Variants in ZEB1 observed in about 807,000 individuals in gnomAD.
The protein encoded by ZEB1 is zinc finger E-box-binding homeobox 1.
A neutral mutation model predicts 84.9 loss-of-function variants in ZEB1; 21 were observed. That is an observed-to-expected ratio of 0.25 (90% CI 0.18 to 0.36). ZEB1 has a LOEUF of 0.36. Among genes scored for constraint, ZEB1 ranks in the 10% least tolerant of loss-of-function variants. The pLI is 1.00. For missense variants in ZEB1, 1,104 were observed against 1,330.2 expected (o/e 0.83, Z 2.65); for synonymous variants, 420 against 471.1 (o/e 0.89, Z 1.41).
Position 31,526,820 on chromosome 10 carries a change from A to G in ZEB1, c.2934A>G (p.Gln978=). 1 of 1,614,154 alleles carries G rather than the reference A, an allele frequency of 6.2e-7. No homozygotes were observed. Among genetic ancestry groups the G allele is most frequent in the South Asian group, 1.1e-5 (1 of 91,078 alleles). ...KRFSHSGSYS[Q]HMNHRYSYCK... Reference sequence around the variant, plus strand: ...TCTCACACTCTGGGTCTTATTCTCAACACATGAATCATCGCTACTCCTACT... The same window carrying G: ...TCTCACACTCTGGGTCTTATTCTCAGCACATGAATCATCGCTACTCCTACT... The change falls in exon 9 of 9, where the codon CAA becomes CAG. Residue 978 remains glutamine, a synonymous_variant. Coordinates refer to ENST00000424869, the MANE Select transcript of ZEB1 (RefSeq NM_001174096.2).
chr10:31,527,428 CACACA>C lies in ZEB1; in HGVS notation c.*165_*169del. 2.8e-6 allele frequency: 2 copies of C among 708,298 alleles called. No individual in the cohort carries two copies. The highest frequency in any genetic ancestry group is 4.5e-6 in the Non-Finnish European group (2 of 443,948). The allele number at this position is 708,298 out of a possible 1,614,324, so 43.9% of individuals were successfully genotyped here. On this transcript the variant is annotated 3_prime_UTR_variant, in exon 9 of 9. Transcript: ENST00000424869. ...AAAATACAAAACACACACACACACA[CACACA>C]CACACACACACACACACACAAAATA...
rs952856031 is a variant in ZEB1, at chr10:31,521,230, T to C, written c.1898T>C (p.Met633Thr). The C allele has an allele frequency of 6.2e-7, 1 of 1,614,112 alleles. No individual in the cohort carries two copies. Among genetic ancestry groups the C allele is most frequent in the Non-Finnish European group, 8.5e-7 (1 of 1,180,024 alleles). ...LDVVKKWFEK[M>T]QAGQISVQSS... ...GTAGTAAAAAAGTGGTTTGAAAAGA[T>C]GCAAGCTGGACAGATTTCAGTGCAG... The change falls in exon 7 of 9, where the codon ATG becomes ACG. Residue 633 changes from methionine to threonine, a missense_variant. By Grantham distance (81) the Met-to-Thr change is moderately conservative. Coordinates refer to ENST00000424869, the MANE Select transcript of ZEB1 (RefSeq NM_001174096.2).
At chr10:31,440,617 G>A (rs1317740000) in intron 1 of ZEB1, among the ~76,000 whole-genome samples, 1 of 152,136 alleles carries the variant, frequency 6.6e-6, no homozygotes, top group Non-Finnish European at 1.5e-5. Context: ...GAGTCAAATT[G>A]TCCCTGTTTG....
intron 2 of ZEB1, among the ~76,000 whole-genome samples, chr10:31,480,173 A>T (rs1282423923): frequency 6.6e-6 from 1 of 152,068 alleles, no homozygotes; most frequent in Non-Finnish European, 1.5e-5. Flanking sequence ...ACAGCGATTT[A>T]AAAACATTTT....
intron 1 of ZEB1, among the ~76,000 whole-genome samples, chr10:31,418,875 A>G (rs2055664406): frequency 6.6e-6 from 1 of 152,136 alleles, no homozygotes; most frequent in African/African-American, 2.4e-5. Flanking sequence ...GCTCAAAGGA[A>G]ATGCTCAGTG....
chr10:31,527,446 CACACACAA>C lies in ZEB1; in HGVS notation c.*184_*191del. On this transcript the variant is annotated 3_prime_UTR_variant, in exon 9 of 9. Transcript: ENST00000424869. ...ACACACACACACACACACACACACA[CACACACAA>C]AATAAATCCGGGTGTGCCTGAACCT... 1.4e-6 allele frequency: 1 copy of C among 725,002 alleles called. No individual in the cohort carries two copies. Among genetic ancestry groups the C allele is most frequent in the South Asian group, 2.0e-5 (1 of 50,900 alleles). 44.9% of individuals were successfully genotyped at this position (725,002 alleles called of 1,614,324 possible).
At chr10:31,319,506 GTC>G in intron 1 of ZEB1, 1 of 589,352 alleles carries the variant, frequency 1.7e-6, no homozygotes, top group Non-Finnish European at 3.0e-6. Context: ...GAACCGTTAT[GTC>G]TCTTACCTGG....
intron 1 of ZEB1, among the ~76,000 whole-genome samples, chr10:31,424,317 A>G (rs1305849480): frequency 1.3e-5 from 2 of 151,974 alleles, no homozygotes; most frequent in African/African-American, 4.8e-5. Context: ...TGATTATTAT[A>G]TTTTACTATA....
intron 1 of ZEB1, chr10:31,363,640 AATGAAGGAAGTTG>A (rs2043825224): frequency 2.7e-6 from 4 of 1,481,692 alleles, no homozygotes; most frequent in Non-Finnish European, 3.6e-6. Context: ...CTGATCATCT[AATGAAGGAAGTTG>A]AAGGTTAAAC....
At chr10:31,524,461 G>A (rs901177753) in intron 8 of ZEB1, among the ~76,000 whole-genome samples, 17 of 151,804 alleles carry the variant, frequency 1.1e-4, no homozygotes, top group African/African-American at 3.4e-4. Flanking sequence ...TACCCACCTC[G>A]GCCTCCCAAA....
intron 1 of ZEB1, chr10:31,321,666 G>A: frequency 7.9e-7 from 1 of 1,273,174 alleles, no homozygotes; most frequent in Non-Finnish European, 1.1e-6. Context: ...CTGTGCAGCT[G>A]CTGTAAACAT....
intron 1 of ZEB1, among the ~76,000 whole-genome samples, chr10:31,331,979 A>G (rs191648878): frequency 6.6e-6 from 1 of 152,276 alleles, no homozygotes; most frequent in Non-Finnish European, 1.5e-5. Flanking sequence ...TATATACAGT[A>G]ATTTATAATA....
intron 1 of ZEB1, among the ~76,000 whole-genome samples, chr10:31,375,549 A>T (rs2046474195): frequency 6.6e-6 from 1 of 151,810 alleles, no homozygotes; most frequent in Non-Finnish European, 1.5e-5. Flanking sequence ...TATCAAAATG[A>T]ATTTGAATTG....
At chr10:31,457,482 T>G (rs2061368209) in intron 1 of ZEB1, among the ~76,000 whole-genome samples, 1 of 152,170 alleles carries the variant, frequency 6.6e-6, no homozygotes, top group African/African-American at 2.4e-5. Context: ...TATCGGTCTT[T>G]TTTTCCATCT....
rs143462179 is a variant in ZEB1 at position 31,373,460 on chromosome 10, G to A, written c.58+54168G>A. ...ATTCAATTTTTGTAGTTTTATTGTA[G>A]TTATTTAAAATAGTATATTATAAAA... On this transcript the variant is annotated intron_variant, in intron 1 of 8. Coordinates refer to ENST00000424869, the MANE Select transcript of ZEB1 (RefSeq NM_001174096.2). 6.7e-3 allele frequency among the ~76,000 whole-genome samples: 1,018 copies of A among 151,742 alleles called. 12 individuals carry two copies. The highest frequency in any genetic ancestry group is 0.022 in the African/African-American group (930 of 41,446).
intron 1 of ZEB1, among the ~76,000 whole-genome samples, chr10:31,415,707 T>G (rs1425012838): frequency 6.6e-6 from 1 of 152,128 alleles, no homozygotes; most frequent in Non-Finnish European, 1.5e-5. Flanking sequence ...AAACTTCATT[T>G]GAAAGCAAAA....
At chr10:31,449,169 C>A (rs1225367855) in intron 1 of ZEB1, among the ~76,000 whole-genome samples, 2 of 152,208 alleles carry the variant, frequency 1.3e-5, no homozygotes, top group African/African-American at 4.8e-5. Context: ...GGGAGTGACC[C>A]GATTTTCCAG....
At chr10:31,443,030 A>G (rs1591318034) in intron 1 of ZEB1, among the ~76,000 whole-genome samples, 1 of 152,360 alleles carries the variant, frequency 6.6e-6, no homozygotes, top group Middle Eastern at 3.4e-3. Context: ...GTAAGAGATT[A>G]GCCAGCATAG....
At chr10:31,437,139 G>A (rs2058388846) in intron 1 of ZEB1, among the ~76,000 whole-genome samples, 1 of 152,062 alleles carries the variant, frequency 6.6e-6, no homozygotes, top group African/African-American at 2.4e-5. Flanking sequence ...TTGCACATTA[G>A]CAAGGCATAA....
Sources: gnomAD v4.1 joint callset for allele counts (sites outside exome capture counted in the v4.1 genomes callset) on GRCh38, gnomAD v4.1.1 for gene constraint, MANE v1.5 for transcripts, NCBI Gene and HGNC (gene_info 2026-07-23, HGNC 2026-07-21) for gene names.